The following SCARA5 variants were observed in gnomAD, a reference collection of about 807,000 sequenced individuals.
The protein encoded by SCARA5 is scavenger receptor class A, member 5 (putative).
Under a neutral mutation model 46.3 loss-of-function variants are expected in SCARA5, and 45 were observed. The ratio of observed to expected loss-of-function variants is 0.97; its 90% CI spans 0.76 to 1.24. SCARA5 has a LOEUF of 1.24. Among genes scored for constraint, SCARA5 ranks in the 50% most tolerant of loss-of-function variants. SCARA5 has a pLI of 0.00. For missense variants in SCARA5, 680 were observed against 689.0 expected, an observed-to-expected ratio of 0.99 and a Z score of 0.15; for synonymous variants, 333 against 306.5, an observed-to-expected ratio of 1.09 and a Z score of -0.90.
At chr8:27,946,995 G>A (rs973097411) in intron 3 of SCARA5, among the ~76,000 whole-genome samples, 9 of 151,156 alleles carry the variant, frequency 6.0e-5, no homozygotes, top group African/African-American at 2.2e-4. Context: ...ATCCCAGGTG[G>A]TCAGAATATC....
At chr8:27,895,710 G>A (rs748960253) in intron 7 of SCARA5, among the ~76,000 whole-genome samples, 2 of 152,192 alleles carry the variant, frequency 1.3e-5, no homozygotes, top group Non-Finnish European at 2.9e-5. Context: ...TCTCCACTTA[G>A]GGGTCAGACG....
intron 1 of SCARA5, among the ~76,000 whole-genome samples, chr8:27,990,786 G>A (rs967192286): frequency 1.3e-5 from 2 of 152,232 alleles, no homozygotes; most frequent in Admixed American, 6.5e-5. Context: ...GCACATGGGC[G>A]AGATGTGGAA....
At chr8:27,875,128 C>T (rs998100861) in intron 8 of SCARA5, among the ~76,000 whole-genome samples, 1 of 152,046 alleles carries the variant, frequency 6.6e-6, no homozygotes, top group African/African-American at 2.4e-5. Context: ...TCCTTCTATT[C>T]TTCCTTCCTC....
chr8:27,922,314 C>T (rs562444657), intron 3 of SCARA5, 69 bp from the exon 4 acceptor site: 2 of 1,159,468 alleles, frequency 1.7e-6, no homozygotes, highest in Admixed American at 3.0e-5. Flanking sequence ...AAGAGGCGAA[C>T]CCAGTCAGAG....
intron 4 of SCARA5, among the ~76,000 whole-genome samples, chr8:27,913,850 A>C (rs2685341): frequency 0.55 from 83,322 of 152,046 alleles, 23,680 homozygotes; most frequent in Non-Finnish European, 0.63. Flanking sequence ...CTCGGTGCTC[A>C]TGGTCACCAA....
intron 2 of SCARA5, among the ~76,000 whole-genome samples, chr8:27,975,286 ACCCTGTGCACCT>A: frequency 6.6e-6 from 1 of 152,120 alleles, no homozygotes; most frequent in African/African-American, 2.4e-5. Context: ...TCCCAGACCC[ACCCTGTGCACCT>A]CTTCCCTCTG....
intron 5 of SCARA5, among the ~76,000 whole-genome samples, chr8:27,907,632 C>T (rs1374783861): frequency 2.7e-5 from 4 of 146,706 alleles, no homozygotes; most frequent in Non-Finnish European, 4.5e-5. Flanking sequence ...TGGAGTGGCA[C>T]GATCTCGGCT....
At chr8:27,978,629 C>G (rs1808563642) in intron 2 of SCARA5, among the ~76,000 whole-genome samples, 1 of 152,146 alleles carries the variant, frequency 6.6e-6, no homozygotes. Context: ...CTGGCCTCAG[C>G]CTCCCGAGTA....
At chr8:27,972,142 C>A (rs1369915357) in intron 2 of SCARA5, among the ~76,000 whole-genome samples, 1 of 151,946 alleles carries the variant, frequency 6.6e-6, no homozygotes, top group Non-Finnish European at 1.5e-5. Flanking sequence ...CATGGTGAAA[C>A]CCCGTCTCTG....
At chr8:27,969,385 T>C (rs2726934) in intron 2 of SCARA5, among the ~76,000 whole-genome samples, 83,359 of 152,070 alleles carry the variant, frequency 0.55, 23,033 homozygotes, top group South Asian at 0.66. Flanking sequence ...ATTAACTTGG[T>C]AAAATAAGCC....
chr8:27,909,541 T>C, intron 5 of SCARA5, 122 bp downstream of exon 5: 2 of 651,750 alleles, frequency 3.1e-6, no homozygotes, highest in South Asian at 4.1e-5. Flanking sequence ...GAACAGAGCG[T>C]TTGAGGCGGA....
At chr8:27,881,710 C>T (rs569638983) in intron 7 of SCARA5, among the ~76,000 whole-genome samples, 1 of 152,088 alleles carries the variant, frequency 6.6e-6, no homozygotes, top group African/African-American at 2.4e-5. Context: ...AATAAAATAG[C>T]CTTTTTTAAA....
rs1381566866 is a variant in SCARA5 at position 27,984,715 on chromosome 8, GCTATCCAT to G, written c.112+2781_112+2788del. ...ATCCATCCATTCATCCGTCCATCCA[GCTATCCAT>G]CTATCCATTCATTATTCATCCATTT... On this transcript the variant is annotated intron_variant, in intron 2 of 8. Transcript: ENST00000354914. Among the ~76,000 whole-genome samples the G allele has an allele frequency of 2.9e-5, 4 of 136,432 alleles. No homozygotes were observed. In the East Asian group the frequency reaches 8.8e-4, roughly 30 times the overall value. 89.5% of individuals were successfully genotyped at this position (136,432 alleles called of 152,430 possible). A position where few individuals can be genotyped will look rare whatever the true frequency, so the allele number is the denominator to read the frequency against.
At chr8:27,926,996 G>A (rs1361842720) in intron 3 of SCARA5, among the ~76,000 whole-genome samples, 3 of 152,192 alleles carry the variant, frequency 2.0e-5, no homozygotes, top group African/African-American at 4.8e-5. Context: ...TTGAGTTCTG[G>A]TTTTCAAACT....
At position 27,921,769 on chromosome 8, in the gene SCARA5, G is replaced by T; in HGVS notation, c.718C>A (p.Leu240Ile). Residue 240 changes from leucine (L) to isoleucine (I), a missense_variant, in exon 4 of 9, where the codon CTC (leucine) becomes ATC (isoleucine). Physicochemically the swap from Leu to Ile is conservative, Grantham distance 5. Coordinates refer to ENST00000354914, the MANE Select transcript of SCARA5 (RefSeq NM_173833.6). ...AGGTCCTGCAGCCGCGTGCGGTGGA[G>T]GGCCACGTCGTAGGACAGGCTGTGG... Reference protein sequence around the residue: ...LNHSLSYDVALHRTRLQDLRV... With the variant: ...LNHSLSYDVAIHRTRLQDLRV... 6.3e-7 allele frequency: 1 copy of T among 1,576,812 alleles called. No individual in the cohort carries two copies.
intron 1 of SCARA5, among the ~76,000 whole-genome samples, chr8:27,990,243 G>A (rs1808769197): frequency 6.6e-6 from 1 of 152,236 alleles, no homozygotes; most frequent in African/African-American, 2.4e-5. Context: ...GGGGCCAGAT[G>A]TGAGTGCACA....
chr8:27,892,827 C>A (rs1039249698), intron 7 of SCARA5, among the ~76,000 whole-genome samples: 2 of 152,108 alleles, frequency 1.3e-5, no homozygotes, highest in African/African-American at 4.8e-5. Flanking sequence ...AGGATGGTCT[C>A]GATCTCCTGA....
chr8:27,902,201 G>A (rs1807166079), intron 7 of SCARA5, among the ~76,000 whole-genome samples: 2 of 152,286 alleles, frequency 1.3e-5, no homozygotes, highest in East Asian at 3.9e-4. Context: ...TGAGGGTGTA[G>A]CTCTTCGAGG....
At chr8:27,936,045 G>A (rs1174356260) in intron 3 of SCARA5, among the ~76,000 whole-genome samples, 4 of 152,082 alleles carry the variant, frequency 2.6e-5, no homozygotes, top group Admixed American at 6.5e-5. Flanking sequence ...AGATGCCTAT[G>A]CCCCGCCAGC....
Sources: gnomAD v4.1 joint callset for allele counts (sites outside exome capture counted in the v4.1 genomes callset) on GRCh38, gnomAD v4.1.1 for gene constraint, MANE v1.5 for transcripts, NCBI Gene and HGNC (gene_info 2026-07-23, HGNC 2026-07-21) for gene names.